KIAA1614: variants seen among roughly 807,000 people sequenced by gnomAD.
KIAA1614 encodes uncharacterized protein KIAA1614.
A neutral mutation model predicts 88.7 loss-of-function variants in KIAA1614; 76 were observed. That is an observed-to-expected ratio of 0.86 (90% confidence interval 0.71 to 1.04). The LOEUF (loss-of-function observed/expected upper bound fraction) is 1.04, where lower values mean the gene tolerates loss of function less well. Among genes scored for constraint, KIAA1614 ranks in the 50% least tolerant of loss-of-function variants. The pLI, the probability that KIAA1614 is intolerant of heterozygous loss-of-function variation, is 0.00. For synonymous variants in KIAA1614, 714 were observed against 675.5 expected (o/e 1.06, Z -0.88); for missense variants, 1,553 against 1,582.5 (o/e 0.98, Z 0.32).
intron 3 of KIAA1614, among the ~76,000 whole-genome samples, chr1:180,923,344 C>T (rs1164230201): frequency 6.6e-6 from 1 of 152,208 alleles, no homozygotes; most frequent in African/African-American, 2.4e-5. Flanking sequence ...TCTAGGGACT[C>T]TCAGCCACCA....
rs1375394756 is a variant in KIAA1614 at position 180,916,698 on chromosome 1, A to G, written c.595A>G (p.Arg199Gly). The G allele has an allele frequency of 1.1e-5, 18 of 1,611,664 alleles. No individual in the cohort carries two copies. The highest frequency in any genetic ancestry group is 1.5e-5 in the Non-Finnish European group (18 of 1,178,700). The change falls in exon 2 of 9, where the codon AGA becomes GGA. Residue 199 changes from arginine to glycine, a missense_variant. Coordinates refer to ENST00000367588, the MANE Select transcript of KIAA1614 (RefSeq NM_020950.2). ...CGAATGGACACTTCCTGACCATGAC[A>G]GAGGTCCGCTGCTGGGGCCCAGCTC... The part of the protein sequence containing the change: ...EAEWTLPDHD[R>G]GPLLGPSSLQ...
At chr1:180,922,315 C>T (rs900319822) in intron 3 of KIAA1614, among the ~76,000 whole-genome samples, 1 of 152,198 alleles carries the variant, frequency 6.6e-6, no homozygotes, top group Non-Finnish European at 1.5e-5. Context: ...TTATTTTCCC[C>T]TCATCGCTGT....
chr1:180,926,935 C>T (rs1654082761), intron 3 of KIAA1614, among the ~76,000 whole-genome samples: 1 of 152,220 alleles, frequency 6.6e-6, no homozygotes, highest in Admixed American at 6.5e-5. Flanking sequence ...AAAGCCATGC[C>T]TGGGCCCTGC....
Position 180,950,258 on chromosome 1 carries a change from C to A in KIAA1614, c.*4670C>A. 1.0e-6 allele frequency: 1 copy of A among 984,168 alleles called. No individual in the cohort carries two copies. The highest frequency in any genetic ancestry group is 1.9e-5 in the South Asian group (1 of 53,616). The allele number at this position is 984,168 out of a possible 1,614,324, so 61.0% of individuals were successfully genotyped here. On this transcript the variant is annotated 3_prime_UTR_variant, in exon 9 of 9. Transcript: ENST00000367588. ...TCCTCCCTGTGCCACACAAACAGCA[C>A]CTCATCAACATGGTCAGCATTCCAG...
intron 4 of KIAA1614, among the ~76,000 whole-genome samples, chr1:180,930,862 G>T (rs376961123): frequency 3.9e-5 from 6 of 152,210 alleles, no homozygotes; most frequent in African/African-American, 1.4e-4. Flanking sequence ...TAAAGGTTAC[G>T]CTCCGTCAAA....
intron 3 of KIAA1614, 123 bp downstream of exon 3, chr1:180,918,037 G>C (rs540152106): frequency 1.2e-5 from 9 of 779,102 alleles, no homozygotes; most frequent in Non-Finnish European, 1.9e-5. Context: ...TGCACCAGCA[G>C]ACCAGTGGAC....
At position 180,935,647 on chromosome 1, in the gene KIAA1614, C is replaced by T. The variant is rs201731426; in HGVS notation, c.1738C>T (p.Leu580Phe). Residue 580 changes from leucine (L) to phenylalanine (F), a missense_variant, in exon 5 of 9, where the codon CTC becomes TTC. Physicochemically the swap from Leu to Phe is conservative, Grantham distance 22. Transcript: ENST00000367588. The surrounding 1 kb of genome is among the most constrained non-coding windows in gnomAD (Gnocchi z 6.1). ...GGTGCTGGGTGGCCTGAGCTCCCCA[C>T]TCCGGCTCCTTCCTGCAGAGCCCCG... ...ERVLGGLSSP[L>F]RLLPAEPRLH... The T allele has an allele frequency of 9.5e-5, 153 of 1,612,252 alleles. No individual in the cohort carries two copies. Among genetic ancestry groups the T allele is most frequent in the Non-Finnish European group, 7.5e-5 (88 of 1,179,418 alleles).
Position 180,916,801 on chromosome 1 carries a change from T to C in KIAA1614, c.698T>C (p.Ile233Thr). ...GPGHCNKIIH[I>T]PSPRTGRSYP... ...GGTCATTGTAACAAAATCATCCACA[T>C]TCCCAGCCCAAGGACAGGAAGGTCC... The change falls in exon 2 of 9, where the codon ATT becomes ACT. Residue 233 changes from isoleucine to threonine, a missense_variant. Transcript: ENST00000367588. 1 of 1,614,170 alleles carries C rather than the reference T, an allele frequency of 6.2e-7. No homozygotes were observed. The highest frequency in any genetic ancestry group is 8.5e-7 in the Non-Finnish European group (1 of 1,180,018).
chr1:180,948,938 C>T lies in KIAA1614; in HGVS notation c.*3350C>T, dbSNP rs1275052088. On this transcript the variant is annotated 3_prime_UTR_variant, in exon 9 of 9. Transcript: ENST00000367588. ...GAAGATCAGTGCTCTTTCAAACCCA[C>T]ACTTCAGAGGCAGGCTTTAAAACGC... The T allele has an allele frequency of 6.6e-6, 1 of 152,272 alleles. No homozygotes were observed. Among genetic ancestry groups the T allele is most frequent in the African/African-American group, 2.4e-5 (1 of 41,464 alleles). The allele number at this position is 152,272 out of a possible 1,614,324, so 9.4% of individuals were successfully genotyped here. A position where few individuals can be genotyped will look rare whatever the true frequency, so the allele number is the denominator to read the frequency against.
At chr1:180,933,450 T>C (rs983405570) in intron 4 of KIAA1614, among the ~76,000 whole-genome samples, 35 of 151,862 alleles carry the variant, frequency 2.3e-4, no homozygotes, top group African/African-American at 8.5e-4. Context: ...ACTGCAGGGG[T>C]CCAGTGTGAG....
At chr1:180,928,630 A>G (rs1654126084) in intron 4 of KIAA1614, 57 bp downstream of exon 4, 1 of 1,546,854 alleles carries the variant, frequency 6.5e-7, no homozygotes, top group African/African-American at 1.4e-5. Flanking sequence ...AAGAGTCAGC[A>G]GTGGGAAGAA....
At chr1:180,925,959 C>A (rs1466821398) in intron 3 of KIAA1614, among the ~76,000 whole-genome samples, 1 of 152,176 alleles carries the variant, frequency 6.6e-6, no homozygotes, top group East Asian at 1.9e-4. Flanking sequence ...ACTGTGAGTC[C>A]TCTCCCCTCT....
In KIAA1614 at chr1:180,941,137, TG is replaced by T; in HGVS notation, c.3015del (p.Leu1006Ter). 6.2e-7 allele frequency: 1 copy of T among 1,613,312 alleles called. No individual in the cohort carries two copies. The highest frequency in any genetic ancestry group is 8.5e-7 in the Non-Finnish European group (1 of 1,179,876). On this transcript the variant is annotated frameshift_variant, in exon 7 of 9. Transcript: ENST00000367588. LOFTEE classifies it high-confidence loss of function. ...KKRSSSIAST[L>X]GLKKLFSALG... ...AGGAGCAGCAGCATAGCCTCCACCC[TG>T]GGGCTGAAAAAGCTCTTCTCAGCCC...
rs1571303170 is a variant in KIAA1614, at chr1:180,944,467, T to C, written c.3238T>C (p.Ser1080Pro). The change falls in exon 8 of 9, where the codon TCC becomes CCC. Residue 1080 changes from serine to proline, a missense_variant. Ser to Pro is a moderately conservative substitution (Grantham distance 74). Coordinates refer to ENST00000367588, the MANE Select transcript of KIAA1614 (RefSeq NM_020950.2). ...TCTGCTGAGCAGCAAGGGGAACCGG[T>C]CCAGCCTCTACCTGGTAGCAGGGCC... is the stretch of plus-strand genomic sequence containing the variant. ...HSLLSSKGNR[S>P]SLYLVAGPGD... The C allele has an allele frequency of 6.2e-7, 1 of 1,613,884 alleles. No individual in the cohort carries two copies. The highest frequency in any genetic ancestry group is 8.5e-7 in the Non-Finnish European group (1 of 1,179,872).
Position 180,945,796 on chromosome 1 carries a change from T to C in KIAA1614, c.*208T>C, listed in dbSNP as rs925320247. 2.2e-6 allele frequency: 3 copies of C among 1,341,768 alleles called. No individual in the cohort carries two copies. In the African/African-American group the frequency reaches 4.6e-5, roughly 21 times the overall value. The allele number at this position is 1,341,768 out of a possible 1,614,324, so 83.1% of individuals were successfully genotyped here. ...TTGACTCCACTGTCCCCCTGCTGTC[T>C]GATGACATCTTGAAATTAGAAGCTT... On this transcript the variant is annotated 3_prime_UTR_variant, in exon 9 of 9. Transcript: ENST00000367588.
rs1005753328 is a variant in KIAA1614 at position 180,916,904 on chromosome 1, C to T, written c.801C>T (p.Pro267=). The part of the protein sequence containing the change: ...TSLTSEEVFV[P]RTALLGERWR... ...TGACCTCCGAGGAGGTCTTTGTCCC[C>T]AGGACGGCCCTGCTGGGTGAGCGCT... Residue 267 remains proline, a synonymous_variant, in exon 2 of 9, where the codon CCC becomes CCT. Coordinates refer to ENST00000367588, the MANE Select transcript of KIAA1614 (RefSeq NM_020950.2). 1.9e-6 allele frequency: 3 copies of T among 1,614,228 alleles called. No individual in the cohort carries two copies. Among genetic ancestry groups the T allele is most frequent in the Non-Finnish European group, 2.5e-6 (3 of 1,180,030 alleles).
chr1:180,930,190 C>T (rs764394144), intron 4 of KIAA1614, among the ~76,000 whole-genome samples: 41 of 152,050 alleles, frequency 2.7e-4, no homozygotes, highest in African/African-American at 7.7e-4. Flanking sequence ...GAGGCTGAGG[C>T]GGGCGGATAA....
In KIAA1614 at chr1:180,950,651, C is replaced by CTGT; in HGVS notation, c.*5064_*5065insGTT. The CTGT allele has an allele frequency of 2.3e-6, 1 of 434,752 alleles. No homozygotes were observed. The allele number at this position is 434,752 out of a possible 1,614,324, so 26.9% of individuals were successfully genotyped here. A position where few individuals can be genotyped will look rare whatever the true frequency, so the allele number is the denominator to read the frequency against. On this transcript the variant is annotated 3_prime_UTR_variant, in exon 9 of 9. Coordinates refer to ENST00000367588, the MANE Select transcript of KIAA1614 (RefSeq NM_020950.2). ...TGGCGGAAACAGATCCTGGCAGCAT[C>CTGT]TAACCCCTTGGGCTGTGGCAGGGCT...
At chr1:180,914,166 G>C (rs531964513) in intron 1 of KIAA1614, 1 of 148,236 alleles carries the variant, frequency 6.7e-6, no homozygotes, top group Non-Finnish European at 1.5e-5. Flanking sequence ...AGGGGGGGGG[G>C]ACATCTAGAT....
Sources: gnomAD v4.1 joint callset for allele counts (sites outside exome capture counted in the v4.1 genomes callset) on GRCh38, gnomAD v4.1.1 for gene constraint, Gnocchi (gnomAD v3.1) non-coding constraint, MANE v1.5 for transcripts, NCBI Gene and HGNC (gene_info 2026-07-23, HGNC 2026-07-21) for gene names.